The following DNAH11 variants were observed in gnomAD, a reference collection of about 807,000 sequenced individuals.
The protein encoded by DNAH11 is axonemal beta dynein heavy chain 11.
A neutral mutation model predicts 526.0 loss-of-function variants in DNAH11; 442 were observed. The ratio of observed to expected loss-of-function variants is 0.84; its 90% CI spans 0.78 to 0.91. The LOEUF is 0.91. Among genes scored for constraint, DNAH11 ranks in the 40% least tolerant of loss-of-function variants. The pLI, the probability that DNAH11 is intolerant of heterozygous loss-of-function variation, is 0.00. For missense variants in DNAH11, 6,989 were observed against 5,448.7 expected (o/e 1.28, Z -8.90); for synonymous variants, 2,461 against 1,935.9 (o/e 1.27, Z -7.12).
Position 21,589,374 on chromosome 7 carries a change from G to T in DNAH11, c.2140G>T (p.Gly714Cys), listed in dbSNP as rs1393527464. Reference protein sequence around the residue: ...QPLVKFSAINGLLCVNFDPKL... With the variant: ...QPLVKFSAINCLLCVNFDPKL... Reference sequence around the variant, plus strand: ...CTTGGTTAAATTCAGTGCCATAAATGGTCTTCTCTGTGTCAATTTTGACCC... The same window carrying T: ...CTTGGTTAAATTCAGTGCCATAAATTGTCTTCTCTGTGTCAATTTTGACCC... The change falls in exon 12 of 82, where the codon GGT becomes TGT. Residue 714 changes from glycine (G) to cysteine (C), a missense_variant. Gly to Cys is a radical substitution (Grantham distance 159). Transcript: ENST00000409508. The T allele has an allele frequency of 6.2e-7, 1 of 1,605,820 alleles. No homozygotes were observed. The highest frequency in any genetic ancestry group is 1.1e-5 in the South Asian group (1 of 89,354).
chr7:21,545,460 C>T (rs1438226122), intron 2 of DNAH11, among the ~76,000 whole-genome samples: 1 of 152,036 alleles, frequency 6.6e-6, no homozygotes, highest in African/African-American at 2.4e-5. Context: ...AAATAAAAAG[C>T]AACTTGAATA....
At chr7:21,619,887 C>T in intron 24 of DNAH11, 69 bp from the exon 25 acceptor site, 1 of 1,431,178 alleles carries the variant, frequency 7.0e-7, no homozygotes, top group South Asian at 1.3e-5. Flanking sequence ...AAAATTAATT[C>T]CAGATAATAG....
intron 61 of DNAH11, among the ~76,000 whole-genome samples, chr7:21,793,215 G>A (rs1224062280): frequency 6.6e-6 from 1 of 152,092 alleles, no homozygotes; most frequent in East Asian, 1.9e-4. Context: ...TTATTCCATT[G>A]TGATCAGAAA....
chr7:21,595,151 T>C (rs1014134294), intron 14 of DNAH11, among the ~76,000 whole-genome samples: 40 of 152,216 alleles, frequency 2.6e-4, no homozygotes, highest in African/African-American at 9.6e-4. Context: ...ATGATCAGTT[T>C]CTGGCAAGGC....
At chr7:21,625,426 T>G (rs916566433) in intron 25 of DNAH11, among the ~76,000 whole-genome samples, 2 of 152,152 alleles carry the variant, frequency 1.3e-5, no homozygotes, top group Non-Finnish European at 2.9e-5. Context: ...AAAGGTTTGT[T>G]GATTTTGTTT....
intron 72 of DNAH11, 44 bp from the exon 73 acceptor site, chr7:21,868,820 T>C (rs748133644): frequency 6.2e-7 from 1 of 1,611,960 alleles, no homozygotes; most frequent in Non-Finnish European, 8.5e-7. Context: ...CCTCTCACCC[T>C]CCTTCATAGA....
chr7:21,848,543 A>G (rs374295656), intron 66 of DNAH11, among the ~76,000 whole-genome samples: 4 of 151,660 alleles, frequency 2.6e-5, no homozygotes, highest in African/African-American at 4.8e-5. Flanking sequence ...TTCTTCTGCC[A>G]TCTTTGGTTT....
chr7:21,901,249 G>C lies in DNAH11; in HGVS notation c.13546G>C (p.Ala4516Pro). The part of the protein sequence containing the change: ...VLAGVALLLE[A>P] ...GGCTGGAGTGGCTCTGCTTCTAGAA[G>C]CGTAAGGTAACACTGGCATTCCTCT... Residue 4516 changes from alanine to proline, a missense_variant, in exon 82 of 82, where the codon GCG becomes CCG. By Grantham distance (27) the Ala-to-Pro change is conservative. Transcript: ENST00000409508. 1 of 1,603,044 alleles carries C rather than the reference G, an allele frequency of 6.2e-7. No individual in the cohort carries two copies. The highest frequency in any genetic ancestry group is 8.5e-7 in the Non-Finnish European group (1 of 1,174,618).
intron 14 of DNAH11, among the ~76,000 whole-genome samples, chr7:21,593,172 A>G (rs952400743): frequency 6.6e-6 from 1 of 152,202 alleles, no homozygotes; most frequent in African/African-American, 2.4e-5. Flanking sequence ...AGAGAGAGTG[A>G]TGCCCTGGAA....
At chr7:21,860,966 G>A (rs1783041771) in intron 68 of DNAH11, among the ~76,000 whole-genome samples, 3 of 152,056 alleles carry the variant, frequency 2.0e-5, no homozygotes, top group Admixed American at 2.0e-4. Flanking sequence ...GAACAGTATG[G>A]GAGAAACTGC....
intron 40 of DNAH11, among the ~76,000 whole-genome samples, chr7:21,710,236 G>T (rs1784409938): frequency 6.6e-6 from 1 of 152,192 alleles, no homozygotes; most frequent in African/African-American, 2.4e-5. Context: ...TTCAGTTGGT[G>T]TAAGTTTTGA....
In DNAH11 at chr7:21,620,074, A is replaced by G. The variant is rs1005500137; in HGVS notation, c.4496A>G (p.Asn1499Ser). The change falls in exon 25 of 82, where the codon AAC (asparagine) becomes AGC (serine). Residue 1499 changes from asparagine (N) to serine (S), a missense_variant. Asn to Ser is a conservative substitution (Grantham distance 46, BLOSUM62 1). Transcript: ENST00000409508. ...DEQLFETLEH[N>S]QVQLQTLLQS... The stretch of plus-strand genomic sequence containing the variant: ...CAACTTTTTGAAACTCTAGAGCACA[A>G]CCAAGTAAGATGGATATTTTTATTG... The G allele has an allele frequency of 3.2e-6, 5 of 1,580,106 alleles. No individual in the cohort carries two copies. Among genetic ancestry groups the G allele is most frequent in the East Asian group, 4.5e-5 (2 of 44,144 alleles).
At chr7:21,545,369 A>G (rs1315941997) in intron 2 of DNAH11, among the ~76,000 whole-genome samples, 1 of 150,910 alleles carries the variant, frequency 6.6e-6, no homozygotes, top group East Asian at 2.0e-4. Flanking sequence ...AAAGGAGCTC[A>G]TGCTTACTGA....
chr7:21,711,995 T>C, intron 42 of DNAH11, 135 bp downstream of exon 42: 1 of 1,070,188 alleles, frequency 9.3e-7, no homozygotes, highest in South Asian at 1.6e-5. Flanking sequence ...GATTTTATCT[T>C]CCCAAAGTGA....
intron 63 of DNAH11, among the ~76,000 whole-genome samples, chr7:21,815,466 T>A (rs1279006766): frequency 6.6e-6 from 1 of 152,176 alleles, no homozygotes; most frequent in Non-Finnish European, 1.5e-5. Flanking sequence ...TCAAATTGCA[T>A]CCCAGCCTTA....
At chr7:21,635,128 G>C (rs895553843) in intron 25 of DNAH11, among the ~76,000 whole-genome samples, 2 of 150,404 alleles carry the variant, frequency 1.3e-5, no homozygotes, top group Non-Finnish European at 2.9e-5. Flanking sequence ...GGCCTAGCAG[G>C]CTGGTGGGGG....
chr7:21,557,128 C>A (rs1479620453), intron 2 of DNAH11, among the ~76,000 whole-genome samples: 1 of 152,040 alleles, frequency 6.6e-6, no homozygotes, highest in Admixed American at 6.5e-5. Context: ...TTGCTTAAAC[C>A]TAAACTCTTC....
chr7:21,764,144 G>A (rs1295149918), intron 54 of DNAH11, among the ~76,000 whole-genome samples: 2 of 152,084 alleles, frequency 1.3e-5, no homozygotes, highest in Admixed American at 6.6e-5. Flanking sequence ...TAACAATCCT[G>A]TATCGTACAC....
At chr7:21,739,304 A>G (rs781307508) in intron 47 of DNAH11, among the ~76,000 whole-genome samples, 36 of 152,208 alleles carry the variant, frequency 2.4e-4, no homozygotes, top group Non-Finnish European at 4.9e-4. Context: ...GATAGTTTCT[A>G]CAGAGTAACA....
Sources: allele counts gnomAD v4.1 joint callset (sites outside exome capture counted in the v4.1 genomes callset), GRCh38; gene constraint gnomAD v4.1.1; transcripts MANE v1.5; gene names NCBI Gene and HGNC (gene_info 2026-07-23, HGNC 2026-07-21).